The following CHRM5 variants were observed in gnomAD, a reference collection of about 807,000 sequenced individuals.
The protein encoded by CHRM5 is muscarinic acetylcholine receptor M5.
Under a neutral mutation model 39.0 loss-of-function variants are expected in CHRM5, and 18 were observed. The observed-to-expected ratio is 0.46, with a 90% CI of 0.32 to 0.68. The LOEUF is 0.68. Ranked by LOEUF, CHRM5 falls within the 30% of genes least tolerant of loss-of-function variation. The pLI is 0.04. For missense variants in CHRM5, 515 were observed against 651.1 expected, an observed-to-expected ratio of 0.79 and a Z score of 2.28; for synonymous variants, 241 against 246.3, an observed-to-expected ratio of 0.98 and a Z score of 0.20.
intron 1 of CHRM5, among the ~76,000 whole-genome samples, chr15:33,978,156 A>G (rs1597299815): frequency 6.6e-6 from 1 of 152,168 alleles, no homozygotes; most frequent in Admixed American, 6.5e-5. Flanking sequence ...ATCCAAGTAC[A>G]TGAAGAAAGA....
At chr15:34,022,770 C>A (rs1339284844) in intron 1 of CHRM5, among the ~76,000 whole-genome samples, 1 of 152,240 alleles carries the variant, frequency 6.6e-6, no homozygotes, top group Non-Finnish European at 1.5e-5. Flanking sequence ...CACACACACA[C>A]TCTCCAGCTT....
intron 1 of CHRM5, among the ~76,000 whole-genome samples, chr15:33,983,705 G>T (rs1354109949): frequency 6.6e-6 from 1 of 152,132 alleles, no homozygotes; most frequent in Admixed American, 6.5e-5. Flanking sequence ...AGGACTTAGT[G>T]ACTCGCTGCT....
chr15:34,046,088 C>T (rs1567487087), intron 1 of CHRM5, among the ~76,000 whole-genome samples: 1 of 152,142 alleles, frequency 6.6e-6, no homozygotes, highest in Non-Finnish European at 1.5e-5. Context: ...TCCCAGATAA[C>T]CACTTATATT....
intron 1 of CHRM5, among the ~76,000 whole-genome samples, chr15:33,973,351 A>G (rs949301034): frequency 6.6e-6 from 1 of 152,346 alleles, no homozygotes; most frequent in East Asian, 1.9e-4. Flanking sequence ...GTGTAAATCT[A>G]TCAGGCTCAG....
At chr15:33,987,189 T>C (rs1265624847) in intron 1 of CHRM5, among the ~76,000 whole-genome samples, 2 of 152,208 alleles carry the variant, frequency 1.3e-5, no homozygotes, top group Admixed American at 6.5e-5. Flanking sequence ...ATTCTTTCCA[T>C]CCCACTCCAC....
At chr15:33,975,085 G>C (rs1318945514) in intron 1 of CHRM5, among the ~76,000 whole-genome samples, 1 of 152,120 alleles carries the variant, frequency 6.6e-6, no homozygotes, top group African/African-American at 2.4e-5. Flanking sequence ...AGACATATAA[G>C]AGCAGATCTG....
rs545937176 is a variant in CHRM5 at position 33,990,269 on chromosome 15, C to T, written c.-408+21119C>T. On this transcript the variant is annotated intron_variant, in intron 1 of 2. Transcript: ENST00000383263. The stretch of plus-strand genomic sequence containing the variant: ...TTGAGGTGCGTGCCTATAGTCCCAG[C>T]TACTCAGGAGGCTAAGGCAGGAGAA... Among the ~76,000 whole-genome samples the T allele has an allele frequency of 7.2e-5, 11 of 152,080 alleles. No individual in the cohort carries two copies. The South Asian group carries it at 2.3e-3, about 32-fold the overall frequency.
At chr15:34,062,208 T>C (rs1405088288) in intron 2 of CHRM5, among the ~76,000 whole-genome samples, 1 of 152,234 alleles carries the variant, frequency 6.6e-6, no homozygotes, top group Admixed American at 6.5e-5. Context: ...CTTTAGAGAT[T>C]TCAGCATCTT....
chr15:34,050,534 C>G (rs892456060), intron 2 of CHRM5, among the ~76,000 whole-genome samples: 5 of 152,058 alleles, frequency 3.3e-5, no homozygotes, highest in African/African-American at 1.2e-4. Context: ...GCTAAATGCC[C>G]CAATTAAAAG....
chr15:34,035,925 A>G (rs2140781630), intron 1 of CHRM5, among the ~76,000 whole-genome samples: 1 of 152,178 alleles, frequency 6.6e-6, no homozygotes, highest in South Asian at 2.1e-4. Context: ...CCTCCCTTGT[A>G]GCAGGGACTA....
chr15:33,995,715 C>T (rs1441108861), intron 1 of CHRM5, among the ~76,000 whole-genome samples: 1 of 152,208 alleles, frequency 6.6e-6, no homozygotes. Flanking sequence ...ATTAGTGGGA[C>T]ATTATATCAT....
chr15:34,027,519 ACT>A (rs769747568), intron 1 of CHRM5, among the ~76,000 whole-genome samples: 56 of 123,798 alleles, frequency 4.5e-4, no homozygotes, highest in Admixed American at 7.7e-4. Flanking sequence ...ACAAAGAGAG[ACT>A]CTGTCTCAAA....
intron 1 of CHRM5, among the ~76,000 whole-genome samples, chr15:33,992,660 A>G (rs1896779103): frequency 3.6e-4 from 1 of 2,744 alleles, no homozygotes; most frequent in Non-Finnish European, 2.9e-3. Flanking sequence ...ATACCATACA[A>G]GAAGAGGGAA....
At chr15:33,997,022 T>C (rs1896964056) in intron 1 of CHRM5, among the ~76,000 whole-genome samples, 3 of 152,180 alleles carry the variant, frequency 2.0e-5, no homozygotes, top group South Asian at 2.1e-4. Flanking sequence ...AATTACCCGA[T>C]GGGGCTGAAA....
chr15:34,003,879 A>G (rs1897231880), intron 1 of CHRM5, among the ~76,000 whole-genome samples: 1 of 152,246 alleles, frequency 6.6e-6, no homozygotes, highest in Non-Finnish European at 1.5e-5. Flanking sequence ...GACCAGAACC[A>G]TCCAGATAGG....
chr15:34,056,643 G>C (rs1900162515), intron 2 of CHRM5, among the ~76,000 whole-genome samples: 1 of 152,184 alleles, frequency 6.6e-6, no homozygotes, highest in Admixed American at 6.5e-5. Context: ...GAGGAAGACT[G>C]TGTTAGCCTC....
intron 1 of CHRM5, among the ~76,000 whole-genome samples, chr15:34,012,217 T>A (rs1897666445): frequency 6.6e-6 from 1 of 152,244 alleles, no homozygotes; most frequent in Admixed American, 6.5e-5. Context: ...ATTTGCTTCT[T>A]GACGTGGTTA....
In CHRM5 at chr15:34,064,818, T is replaced by C. The variant is rs980503511; in HGVS notation, c.*502T>C. ...GATATTCAACAGGCTTCTAAGAATA[T>C]GTATCTTCATAAACTGATCACTATC... On this transcript the variant is annotated 3_prime_UTR_variant, in exon 3 of 3. Coordinates refer to ENST00000383263, the MANE Select transcript of CHRM5 (RefSeq NM_012125.4). 2 of 185,576 alleles carry C rather than the reference T, an allele frequency of 1.1e-5. No individual in the cohort carries two copies. The highest frequency in any genetic ancestry group is 4.8e-5 in the African/African-American group (2 of 41,720). The allele number at this position is 185,576 out of a possible 1,614,324, so 11.5% of individuals were successfully genotyped here. A position where few individuals can be genotyped will look rare whatever the true frequency, so the allele number is the denominator to read the frequency against.
At chr15:33,982,533 G>C (rs965337077) in intron 1 of CHRM5, among the ~76,000 whole-genome samples, 1 of 152,214 alleles carries the variant, frequency 6.6e-6, no homozygotes, top group African/African-American at 2.4e-5. Context: ...AATTCAATTT[G>C]ATTGACTGCT....
Sources: gnomAD v4.1 joint callset for allele counts (sites outside exome capture counted in the v4.1 genomes callset) on GRCh38, gnomAD v4.1.1 for gene constraint, MANE v1.5 for transcripts, NCBI Gene and HGNC (gene_info 2026-07-23, HGNC 2026-07-21) for gene names.